AOPEP: variants seen among roughly 807,000 people sequenced by gnomAD.
The protein encoded by AOPEP is aminopeptidase O (putative).
Under a neutral mutation model 98.1 loss-of-function variants are expected in AOPEP, and 77 were observed. The observed-to-expected ratio is 0.78, with a 90% CI of 0.65 to 0.95. The LOEUF (loss-of-function observed/expected upper bound fraction) is 0.95, where lower values mean the gene tolerates loss of function less well. AOPEP is among the 40% of genes least tolerant of loss of function. The pLI is 0.00. For missense variants in AOPEP, 1,024 were observed against 1,024.7 expected (o/e 1.00, Z 0.01); for synonymous variants, 346 against 365.3 (o/e 0.95, Z 0.60).
chr9:94,882,297 A>C (rs2047678237), intron 5 of AOPEP, among the ~76,000 whole-genome samples: 1 of 152,214 alleles, frequency 6.6e-6, no homozygotes, highest in Non-Finnish European at 1.5e-5. Flanking sequence ...TCATGTTCTT[A>C]GTCTGTTGTT....
chr9:95,040,066 A>C (rs1168768495), intron 13 of AOPEP, among the ~76,000 whole-genome samples: 1 of 152,222 alleles, frequency 6.6e-6, no homozygotes, highest in Non-Finnish European at 1.5e-5. Flanking sequence ...TTAATACCTG[A>C]GCAGCAAGAG....
chr9:95,146,769 C>T, the AOPEP span, among the ~76,000 whole-genome samples: 43 of 151,828 alleles, frequency 2.8e-4, no homozygotes, highest in African/African-American at 1.0e-3. Flanking sequence ...CAGCAGTAGT[C>T]AGAGGCCATG....
chr9:94,970,268 G>C (rs1255538491), intron 10 of AOPEP, among the ~76,000 whole-genome samples: 1 of 152,106 alleles, frequency 6.6e-6, no homozygotes, highest in Non-Finnish European at 1.5e-5. Context: ...GGGCAGCCGG[G>C]ACATCAGTCA....
the AOPEP span, among the ~76,000 whole-genome samples, chr9:95,111,966 G>A: frequency 6.6e-6 from 1 of 152,298 alleles, no homozygotes; most frequent in Admixed American, 6.5e-5. Context: ...AGGATGTGGC[G>A]GCACACCTCC....
chr9:95,147,300 C>T, the AOPEP span, among the ~76,000 whole-genome samples: 1 of 152,060 alleles, frequency 6.6e-6, no homozygotes, highest in Admixed American at 6.5e-5. Context: ...GGTGGATCAC[C>T]TGAGGTCGGG....
At chr9:95,114,216 TCTC>T in the AOPEP span, 1 of 284,806 alleles carries the variant, frequency 3.5e-6, no homozygotes, top group African/African-American at 2.2e-5. Context: ...GAGTTTCAAA[TCTC>T]CTTCCCTAGA....
intron 10 of AOPEP, among the ~76,000 whole-genome samples, chr9:94,978,076 C>T (rs745803815): frequency 1.3e-5 from 2 of 152,194 alleles, no homozygotes; most frequent in African/African-American, 2.4e-5. Flanking sequence ...GCCAACCCCT[C>T]CTTCCCTCCC....
At chr9:95,005,359 C>T in intron 12 of AOPEP, 139 bp downstream of exon 12, 2 of 755,172 alleles carry the variant, frequency 2.6e-6, no homozygotes, top group Non-Finnish European at 3.8e-6. Flanking sequence ...GGGGAGCGGC[C>T]GTGACGAAGG....
the AOPEP span, among the ~76,000 whole-genome samples, chr9:95,092,188 G>A: frequency 4.6e-5 from 7 of 152,178 alleles, no homozygotes; most frequent in African/African-American, 1.7e-4. Context: ...AGCTTACAAG[G>A]AACCAGACCG....
the AOPEP span, chr9:95,101,850 T>C: frequency 6.2e-7 from 1 of 1,613,928 alleles, no homozygotes; most frequent in Non-Finnish European, 8.5e-7. Context: ...GTGTGAGCCA[T>C]CTGCAATCAG....
intron 13 of AOPEP, among the ~76,000 whole-genome samples, chr9:95,037,954 G>A (rs2064971401): frequency 6.6e-6 from 1 of 152,050 alleles, no homozygotes; most frequent in Non-Finnish European, 1.5e-5. Flanking sequence ...CGTATGAGAT[G>A]GTGTGGAGCT....
At position 94,905,710 on chromosome 9, in the gene AOPEP, ACACT is replaced by A. The variant is rs1290128169; in HGVS notation, c.1365-18272_1365-18269del. ...CTGGGAAACACATGCACACACACTC[ACACT>A]CACAGAGGACTTCCAGTAAAAGCCT... On this transcript the variant is annotated intron_variant, in intron 5 of 16. Transcript: ENST00000375315. Among the ~76,000 whole-genome samples the A allele has an allele frequency of 8.5e-5, 13 of 152,328 alleles. No homozygotes were observed. The South Asian group carries it at 1.5e-3, about 17-fold the overall frequency.
intron 5 of AOPEP, among the ~76,000 whole-genome samples, chr9:94,918,502 G>T (rs1488764617): frequency 6.6e-6 from 1 of 152,160 alleles, no homozygotes; most frequent in Non-Finnish European, 1.5e-5. Context: ...GAGCCCAGAA[G>T]CCACAGGTCT....
At chr9:94,889,020 C>G (rs558382590) in intron 5 of AOPEP, among the ~76,000 whole-genome samples, 7 of 152,050 alleles carry the variant, frequency 4.6e-5, no homozygotes, top group African/African-American at 7.2e-5. Flanking sequence ...CCCTGCCCCT[C>G]GAAACCTCTC....
intron 5 of AOPEP, among the ~76,000 whole-genome samples, chr9:94,830,999 G>C (rs1001090880): frequency 6.6e-6 from 1 of 151,998 alleles, no homozygotes; most frequent in South Asian, 2.1e-4. Flanking sequence ...CATTCTTTAC[G>C]TTGTGTGTTT....
intron 5 of AOPEP, among the ~76,000 whole-genome samples, chr9:94,886,712 T>TC (rs1588705661): frequency 6.6e-6 from 1 of 152,212 alleles, no homozygotes; most frequent in African/African-American, 2.4e-5. Context: ...AACAGTGCAG[T>TC]CACATTTTAT....
At chr9:95,079,499 CGTG>C (rs1013758486) in intron 14 of AOPEP, among the ~76,000 whole-genome samples, 25 of 152,172 alleles carry the variant, frequency 1.6e-4, no homozygotes, top group Non-Finnish European at 2.2e-4. Flanking sequence ...AAATGGTTGA[CGTG>C]GTATAACTGA....
At chr9:94,961,822 T>A (rs2058859522) in intron 9 of AOPEP, among the ~76,000 whole-genome samples, 1 of 151,976 alleles carries the variant, frequency 6.6e-6, no homozygotes, top group Admixed American at 6.5e-5. Context: ...CTGCTTTCTT[T>A]CTATGTGAGT....
intron 5 of AOPEP, among the ~76,000 whole-genome samples, chr9:94,885,339 A>ATCC (rs2048090127): frequency 9.4e-6 from 1 of 106,628 alleles, no homozygotes; most frequent in African/African-American, 3.7e-5. Context: ...ACAGAGTGAG[A>ATCC]TCCTGTCTCA....
Sources: gnomAD v4.1 joint callset for allele counts (sites outside exome capture counted in the v4.1 genomes callset) on GRCh38, gnomAD v4.1.1 for gene constraint, MANE v1.5 for transcripts, NCBI Gene and HGNC (gene_info 2026-07-23, HGNC 2026-07-21) for gene names.